ELAPOR2: variants seen among roughly 807,000 people sequenced by gnomAD.
The protein encoded by ELAPOR2 is endosome/lysosome-associated apoptosis and autophagy regulator family member 2.
Under a neutral mutation model 120.7 loss-of-function variants are expected in ELAPOR2, and 89 were observed. The ratio of observed to expected loss-of-function variants is 0.74; its 90% CI spans 0.62 to 0.88. The LOEUF is 0.88. Among genes scored for constraint, ELAPOR2 ranks in the 40% least tolerant of loss-of-function variants. The probability of loss-of-function intolerance (pLI) is 0.00; values close to 1 mark genes in which losing one functional copy is unlikely to be tolerated. For missense variants in ELAPOR2, 1,134 were observed against 1,251.6 expected (o/e 0.91, Z 1.42); for synonymous variants, 444 against 444.9 (o/e 1.00, Z 0.03).
chr7:87,030,793 C>T (rs554705179), intron 1 of ELAPOR2, among the ~76,000 whole-genome samples: 1 of 152,066 alleles, frequency 6.6e-6, no homozygotes, highest in Non-Finnish European at 1.5e-5. Context: ...ATATAGTCCA[C>T]CAGGTTTGTA....
chr7:86,897,294 T>C (rs1788479894), intron 19 of ELAPOR2, among the ~76,000 whole-genome samples: 1 of 152,144 alleles, frequency 6.6e-6, no homozygotes, highest in Non-Finnish European at 1.5e-5. Flanking sequence ...GTGACTCCCT[T>C]ATCATGATTC....
At chr7:86,888,430 G>T (rs1799795498) in intron 21 of ELAPOR2, among the ~76,000 whole-genome samples, 1 of 151,966 alleles carries the variant, frequency 6.6e-6, no homozygotes, top group South Asian at 2.1e-4. Context: ...ATTTTTTAGG[G>T]TCACCCTGTC....
chr7:87,034,900 T>G (rs1411425797), intron 1 of ELAPOR2, among the ~76,000 whole-genome samples: 6 of 152,048 alleles, frequency 3.9e-5, no homozygotes, highest in South Asian at 2.1e-4. Flanking sequence ...CTGGCCAACA[T>G]GGTGAAACCC....
In ELAPOR2 at chr7:86,946,157, T is replaced by TCACACACACACACACA. The variant is rs1491424238; in HGVS notation, c.507-1112_507-1111insTGTGTGTGTGTGTGTG. 7.4e-3 allele frequency among the ~76,000 whole-genome samples: 813 copies of TCACACACACACACACA among 110,546 alleles called. 7 individuals are homozygous for TCACACACACACACACA. The highest frequency in any genetic ancestry group is 0.031 in the African/African-American group (752 of 23,936). 72.5% of individuals were successfully genotyped at this position (110,546 alleles called of 152,430 possible). A position where few individuals can be genotyped will look rare whatever the true frequency, so the allele number is the denominator to read the frequency against. On this transcript the variant is annotated intron_variant, in intron 3 of 21. Transcript: ENST00000450689. ...CAAATTAAAACAAAGGGATACCATT[T>TCACACACACACACACA]CTCACACACACACACACACACACAC...
chr7:86,927,006 A>G (rs770425365), intron 8 of ELAPOR2, 90 bp from the exon 9 acceptor site: 24 of 1,233,844 alleles, frequency 1.9e-5, no homozygotes, highest in Non-Finnish European at 2.6e-5. Flanking sequence ...AAAAGTACAA[A>G]TGGTGACAGA....
At chr7:86,988,402 T>C (rs547022885) in intron 1 of ELAPOR2, among the ~76,000 whole-genome samples, 1 of 152,082 alleles carries the variant, frequency 6.6e-6, no homozygotes, top group East Asian at 1.9e-4. Flanking sequence ...TGCAAATAAA[T>C]AAATAATACA....
intron 1 of ELAPOR2, among the ~76,000 whole-genome samples, chr7:87,024,355 C>G (rs1475768612): frequency 3.3e-5 from 5 of 152,068 alleles, no homozygotes; most frequent in Admixed American, 3.3e-4. Context: ...TGTTTATATG[C>G]TGGATTACGT....
At chr7:86,947,660 T>G (rs1404047106) in intron 3 of ELAPOR2, 67 bp downstream of exon 3, 3 of 1,336,250 alleles carry the variant, frequency 2.2e-6, no homozygotes, top group Non-Finnish European at 3.1e-6. Flanking sequence ...ATCTTCTTTC[T>G]GGAAAAGAGC....
chr7:87,003,120 G>A (rs1793369924), intron 1 of ELAPOR2, among the ~76,000 whole-genome samples: 1 of 152,060 alleles, frequency 6.6e-6, no homozygotes, highest in Non-Finnish European at 1.5e-5. Flanking sequence ...TTCTTTATGG[G>A]ATTGATAACA....
intron 1 of ELAPOR2, among the ~76,000 whole-genome samples, chr7:86,974,580 A>AGTGTGTGT (rs35712048): frequency 0.27 from 37,561 of 138,546 alleles, 5,318 homozygotes; most frequent in African/African-American, 0.34. Flanking sequence ...GAACCCCTGT[A>AGTGTGTGT]GTGTGTGTGT....
intron 4 of ELAPOR2, among the ~76,000 whole-genome samples, chr7:86,943,281 G>T (rs1349055361): frequency 2.1e-5 from 3 of 142,880 alleles, no homozygotes; most frequent in Non-Finnish European, 4.6e-5. Flanking sequence ...GTCTCTCTAG[G>T]CTTCAGCTTC....
intron 1 of ELAPOR2, among the ~76,000 whole-genome samples, chr7:87,003,135 G>A (rs1164474503): frequency 6.6e-6 from 1 of 152,158 alleles, no homozygotes; most frequent in African/African-American, 2.4e-5. Context: ...ATAACACAAA[G>A]AGCATTTCTC....
intron 4 of ELAPOR2, 92 bp downstream of exon 4, chr7:86,944,807 A>T: frequency 2.0e-6 from 2 of 1,013,366 alleles, no homozygotes; most frequent in Admixed American, 7.0e-5. Flanking sequence ...AAAAAAACTG[A>T]GGAGGAATAA....
chr7:86,923,756 A>T (rs979803827), intron 10 of ELAPOR2, among the ~76,000 whole-genome samples: 6 of 152,094 alleles, frequency 3.9e-5, no homozygotes, highest in African/African-American at 1.4e-4. Context: ...TTTTGTAAAC[A>T]TTATCCTATT....
At chr7:86,979,903 A>G (rs1344080610) in intron 1 of ELAPOR2, among the ~76,000 whole-genome samples, 1 of 152,124 alleles carries the variant, frequency 6.6e-6, no homozygotes, top group Non-Finnish European at 1.5e-5. Context: ...CCCCTTTCTC[A>G]TCTCTTTTTT....
At chr7:86,990,380 G>A (rs1055468157) in intron 1 of ELAPOR2, among the ~76,000 whole-genome samples, 3 of 152,102 alleles carry the variant, frequency 2.0e-5, no homozygotes, top group Non-Finnish European at 2.9e-5. Flanking sequence ...TATCATGGGA[G>A]TGAGACTGGT....
chr7:87,000,518 C>G (rs1168057598), intron 1 of ELAPOR2, among the ~76,000 whole-genome samples: 1 of 152,164 alleles, frequency 6.6e-6, no homozygotes, highest in Non-Finnish European at 1.5e-5. Flanking sequence ...CACCAATTTG[C>G]TGGGGATTCT....
chr7:86,975,095 G>C (rs1439590836), intron 1 of ELAPOR2, among the ~76,000 whole-genome samples: 1 of 152,218 alleles, frequency 6.6e-6, no homozygotes, highest in African/African-American at 2.4e-5. Context: ...AGAACAAAGA[G>C]ATGATGGAGC....
At position 86,926,948 on chromosome 7, in the gene ELAPOR2, A is replaced by C. The variant is rs28675937; in HGVS notation, c.1090-32T>G. 7.2e-4 allele frequency: 1,026 copies of C among 1,434,840 alleles called. 6 individuals carry two copies. In the African/African-American group the frequency reaches 0.013, roughly 19 times the overall value. 88.9% of individuals were successfully genotyped at this position (1,434,840 alleles called of 1,614,324 possible). On this transcript the variant is annotated intron_variant, in intron 8 of 21. Transcript: ENST00000450689. ...AAAAAAAAAAAAAAAAAAAGCAACC[A>C]AGTCATATAACATGCTTATAACAAA...
Sources: gnomAD v4.1 joint callset for allele counts (sites outside exome capture counted in the v4.1 genomes callset) on GRCh38, gnomAD v4.1.1 for gene constraint, MANE v1.5 for transcripts, NCBI Gene and HGNC (gene_info 2026-07-23, HGNC 2026-07-21) for gene names.